Variants in MARCHF1 observed in about 807,000 individuals in gnomAD.
The protein encoded by MARCHF1 is membrane associated ring-CH-type finger 1.
In MARCHF1, 40 loss-of-function variants were observed where a neutral mutation model predicts 54.2. The ratio of observed to expected loss-of-function variants is 0.74; its 90% CI spans 0.57 to 0.96. The LOEUF (loss-of-function observed/expected upper bound fraction) is 0.96, where lower values mean the gene tolerates loss of function less well. Among genes scored for constraint, MARCHF1 ranks in the 40% least tolerant of loss-of-function variants. MARCHF1 has a pLI of 0.00. For synonymous variants in MARCHF1, 236 were observed against 236.3 expected (o/e 1.00, Z 0.01); for missense variants, 586 against 656.5 (o/e 0.89, Z 1.17).
At chr4:163,859,846 T>TA (rs1453791447) in intron 3 of MARCHF1, among the ~76,000 whole-genome samples, 2 of 152,128 alleles carry the variant, frequency 1.3e-5, no homozygotes, top group Non-Finnish European at 2.9e-5. Flanking sequence ...AACTCCCACA[T>TA]AAATAGTTAC....
chr4:164,091,640 A>G (rs1173295153), intron 2 of MARCHF1, among the ~76,000 whole-genome samples: 5 of 152,082 alleles, frequency 3.3e-5, no homozygotes, highest in Admixed American at 3.3e-4. Flanking sequence ...TCAAAAATAA[A>G]TAAAAGATCA....
intron 2 of MARCHF1, among the ~76,000 whole-genome samples, chr4:164,006,686 C>T (rs992889097): frequency 1.9e-4 from 29 of 151,910 alleles, no homozygotes; most frequent in Admixed American, 2.0e-4. Flanking sequence ...AATAATCAAA[C>T]TCTCAAATTT....
chr4:164,270,340 T>G (rs1447519254), intron 1 of MARCHF1, among the ~76,000 whole-genome samples: 1 of 152,206 alleles, frequency 6.6e-6, no homozygotes, highest in Non-Finnish European at 1.5e-5. Flanking sequence ...CCCACCCTAT[T>G]TAAATTACAG....
rs1296690880 is a variant in MARCHF1, at chr4:163,573,100, T to C, written c.1191+12649A>G. On this transcript the variant is annotated intron_variant, in intron 8 of 9. Coordinates refer to ENST00000514618, the MANE Select transcript of MARCHF1 (RefSeq NM_001394959.1). The stretch of plus-strand genomic sequence containing the variant: ...TCAGCTATCTGTCTTATTATAATGT[T>C]GATAATCTCACACTTGCATGTTAGA... Among the ~76,000 whole-genome samples the C allele has an allele frequency of 3.3e-5, 5 of 152,178 alleles. No homozygotes were observed. The East Asian group carries it at 9.7e-4, about 29-fold the overall frequency.
chr4:163,718,538 A>C (rs1346078405), intron 4 of MARCHF1, among the ~76,000 whole-genome samples: 1 of 152,230 alleles, frequency 6.6e-6, no homozygotes, highest in African/African-American at 2.4e-5. Context: ...CAATAAATCC[A>C]ATCTATTCTG....
chr4:164,235,002 C>CCTT (rs939132176), intron 1 of MARCHF1: 5 of 152,040 alleles, frequency 3.3e-5, no homozygotes, highest in African/African-American at 1.2e-4. Context: ...CTTTTGTCAC[C>CCTT]CTTTTTATGT....
At chr4:163,707,288 A>G (rs1490476067) in intron 4 of MARCHF1, among the ~76,000 whole-genome samples, 4 of 152,106 alleles carry the variant, frequency 2.6e-5, no homozygotes, top group Non-Finnish European at 5.9e-5. Context: ...TTGTGTTAGT[A>G]AACAATGAAA....
At chr4:164,057,313 C>A (rs1230916124) in intron 2 of MARCHF1, among the ~76,000 whole-genome samples, 1 of 152,194 alleles carries the variant, frequency 6.6e-6, no homozygotes, top group Admixed American at 6.5e-5. Context: ...AAGAAATACA[C>A]AACTAAGTTT....
rs951546211 is a variant in MARCHF1, at chr4:164,220,721, A to C, written c.-322-109059T>G. On this transcript the variant is annotated intron_variant, in intron 1 of 9. Coordinates refer to ENST00000514618, the MANE Select transcript of MARCHF1 (RefSeq NM_001394959.1). ...TATATGTATATATGTAATATATATGATATATGTATATATGTAATATATATG... is the reference window on the plus strand; with the variant it reads ...TATATGTATATATGTAATATATATGCTATATGTATATATGTAATATATATG... 1.2e-4 allele frequency among the ~76,000 whole-genome samples: 17 copies of C among 143,944 alleles called. 1 individual carries two copies. The South Asian group carries it at 2.1e-3, about 18-fold the overall frequency. The allele number at this position is 143,944 out of a possible 152,430, so 94.4% of individuals were successfully genotyped here. A position where few individuals can be genotyped will look rare whatever the true frequency, so the allele number is the denominator to read the frequency against.
rs146962486 is a variant in MARCHF1, at chr4:163,685,174, C to T, written c.162+15639G>A. ...TTCATTAAAAATCGTTTTATTACAA[C>T]ATTTCTGACAAAAAATATCTGGTTT... On this transcript the variant is annotated intron_variant, in intron 5 of 9. Transcript: ENST00000514618. Among the ~76,000 whole-genome samples the T allele has an allele frequency of 6.6e-3, 998 of 152,032 alleles. 12 individuals carry two copies. The highest frequency in any genetic ancestry group is 0.023 in the African/African-American group (952 of 41,492).
chr4:163,759,911 A>G (rs892123623), intron 4 of MARCHF1, among the ~76,000 whole-genome samples: 25 of 152,312 alleles, frequency 1.6e-4, no homozygotes, highest in Non-Finnish European at 1.5e-4. Flanking sequence ...GCTGACTTCA[A>G]TCACTCATTT....
intron 4 of MARCHF1, among the ~76,000 whole-genome samples, chr4:163,839,253 A>G (rs2172686): frequency 0.83 from 126,787 of 151,952 alleles, 53,824 homozygotes; most frequent in South Asian, 0.96. Flanking sequence ...GGAAATTCTC[A>G]TACATTCCTC....
intron 2 of MARCHF1, among the ~76,000 whole-genome samples, chr4:164,029,959 T>C (rs1395794644): frequency 6.6e-6 from 1 of 152,194 alleles, no homozygotes; most frequent in African/African-American, 2.4e-5. Context: ...CTTTCCCCTT[T>C]GGGGATTCTA....
chr4:163,780,066 C>T (rs1204149661), intron 4 of MARCHF1, among the ~76,000 whole-genome samples: 2 of 152,066 alleles, frequency 1.3e-5, no homozygotes, highest in African/African-American at 4.8e-5. Context: ...TGTTTATGAG[C>T]CCATTGAGTG....
In MARCHF1 at chr4:164,241,978, T is replaced by C. The variant is rs143041460; in HGVS notation, c.-322-130316A>G. On this transcript the variant is annotated intron_variant, in intron 1 of 9. Transcript: ENST00000514618. ...CCCACACCTGGCTCGGAGGGTCCTATGCCCACGGAGACTCACTGATTGCTA... is the reference window on the plus strand; with the variant it reads ...CCCACACCTGGCTCGGAGGGTCCTACGCCCACGGAGACTCACTGATTGCTA... 0.018 allele frequency among the ~76,000 whole-genome samples: 2,729 copies of C among 152,266 alleles called. 197 individuals are homozygous for C. The East Asian group carries it at 0.25, about 14-fold the overall frequency.
At chr4:163,567,483 T>C (rs1739682944) in intron 8 of MARCHF1, among the ~76,000 whole-genome samples, 1 of 152,190 alleles carries the variant, frequency 6.6e-6, no homozygotes, top group Admixed American at 6.5e-5. Context: ...CACCCAAATC[T>C]CATCTTGAAT....
intron 1 of MARCHF1, chr4:164,197,238 GTCC>G (rs1731295910): frequency 6.2e-7 from 1 of 1,610,632 alleles, no homozygotes; most frequent in Non-Finnish European, 8.5e-7. Context: ...CCTCCACGTG[GTCC>G]TCAATATCTG....
intron 1 of MARCHF1, among the ~76,000 whole-genome samples, chr4:164,127,469 T>C (rs2110801711): frequency 6.6e-6 from 1 of 152,182 alleles, no homozygotes; most frequent in African/African-American, 2.4e-5. Flanking sequence ...ATTAGATATA[T>C]GAGCATTGAA....
At chr4:163,759,001 G>A (rs192696346) in intron 4 of MARCHF1, among the ~76,000 whole-genome samples, 3 of 152,030 alleles carry the variant, frequency 2.0e-5, no homozygotes, top group African/African-American at 7.2e-5. Flanking sequence ...TAGAGTTCCC[G>A]TTATATCTTG....
Sources: allele counts gnomAD v4.1 joint callset (sites outside exome capture counted in the v4.1 genomes callset), GRCh38; gene constraint gnomAD v4.1.1; transcripts MANE v1.5; gene names NCBI Gene and HGNC (gene_info 2026-07-23, HGNC 2026-07-21).